Variants in SNX8 observed in about 807,000 individuals in gnomAD.
The protein encoded by SNX8 is sorting nexin 8, also known as sorting nexin-8.
In SNX8, 25 loss-of-function variants were observed where a neutral mutation model predicts 51.6. That is an observed-to-expected ratio of 0.48 (90% CI 0.35 to 0.68). SNX8 has a LOEUF of 0.68. Ranked by LOEUF, SNX8 falls within the 30% of genes least tolerant of loss-of-function variation. The pLI, the probability that SNX8 is intolerant of heterozygous loss-of-function variation, is 0.00. For synonymous variants in SNX8, 324 were observed against 277.0 expected (o/e 1.17, Z -1.68); for missense variants, 695 against 624.0 (o/e 1.11, Z -1.21).
chr7:2,342,139 A>C (rs2115246102), intron 1 of SNX8, among the ~76,000 whole-genome samples: 2 of 151,898 alleles, frequency 1.3e-5, no homozygotes, highest in African/African-American at 4.8e-5. Flanking sequence ...AGATCTCACC[A>C]CTGCACTCCA....
At chr7:2,300,050 G>C (rs542921676) in intron 1 of SNX8, among the ~76,000 whole-genome samples, 10 of 152,298 alleles carry the variant, frequency 6.6e-5, no homozygotes, top group African/African-American at 2.4e-4. Context: ...CGCCTCAGAA[G>C]TCAGCAAGAA....
At position 2,319,632 on chromosome 7, in the gene SNX8, G is replaced by A. The variant is rs368894547; in HGVS notation, c.-66+34590C>T. ...AGATCGAGACCATCCTGGCTAACAC[G>A]GTGAAACCCCGTCTCTACTAAAAAT... On this transcript the variant is annotated intron_variant, in intron 1 of 5. Coordinates refer to the SNX8 transcript ENST00000435336. 5.3e-5 allele frequency among the ~76,000 whole-genome samples: 8 copies of A among 152,244 alleles called. No homozygotes were observed. The East Asian group carries it at 7.7e-4, about 15-fold the overall frequency.
chr7:2,309,891 C>T (rs772560340), intron 1 of SNX8: 16 of 470,744 alleles, frequency 3.4e-5, no homozygotes, highest in Non-Finnish European at 5.7e-5. Flanking sequence ...AGGCTCGGGG[C>T]AGGGGTGAAG....
chr7:2,322,270 C>T (rs79131835), intron 1 of SNX8, among the ~76,000 whole-genome samples: 146 of 152,288 alleles, frequency 9.6e-4, no homozygotes, highest in Admixed American at 4.0e-3. Context: ...TGGTGGCTCA[C>T]GCCTATAATT....
At chr7:2,271,617 C>T (rs1011711051) in intron 4 of SNX8, among the ~76,000 whole-genome samples, 1 of 152,298 alleles carries the variant, frequency 6.6e-6, no homozygotes, top group African/African-American at 2.4e-5. Context: ...CACAGAGATC[C>T]ATGATCTCCA....
In SNX8 at chr7:2,256,981, A is replaced by C; in HGVS notation, c.1177T>G (p.Ser393Ala). The change falls in exon 10 of 11, where the codon TCC (serine) becomes GCC (alanine). Residue 393 changes from serine (S) to alanine (A), a missense_variant. Coordinates refer to ENST00000222990, the MANE Select transcript of SNX8 (RefSeq NM_013321.4). ...IQTMELRNYF[S>A]LYCLHQETQL... ...GTCTCCTGGTGCAGGCAGTACAGGG[A>C]GAAGTAGTTCCGCAGCTCCATCGTC... is the stretch of plus-strand genomic sequence containing the variant. The C allele has an allele frequency of 6.2e-7, 1 of 1,612,970 alleles. No individual in the cohort carries two copies. Among genetic ancestry groups the C allele is most frequent in the Non-Finnish European group, 8.5e-7 (1 of 1,179,464 alleles).
chr7:2,304,833 C>T (rs1796511157), intron 1 of SNX8, among the ~76,000 whole-genome samples: 3 of 152,134 alleles, frequency 2.0e-5, no homozygotes, highest in African/African-American at 7.2e-5. Flanking sequence ...AAAACACGGG[C>T]ACTAAGTGGC....
chr7:2,293,103 C>A (rs1272320805), intron 1 of SNX8, among the ~76,000 whole-genome samples: 2 of 150,964 alleles, frequency 1.3e-5, no homozygotes, highest in African/African-American at 4.9e-5. Flanking sequence ...AATGACACCA[C>A]CAAGAAAGTG....
At chr7:2,262,304 C>T (rs1037117772) in intron 7 of SNX8, among the ~76,000 whole-genome samples, 2 of 152,150 alleles carry the variant, frequency 1.3e-5, no homozygotes, top group African/African-American at 2.4e-5. Context: ...CCTCCCAAAG[C>T]GCTGGGATGA....
At chr7:2,289,826 G>C (rs1468557332) in intron 1 of SNX8, among the ~76,000 whole-genome samples, 1 of 152,202 alleles carries the variant, frequency 6.6e-6, no homozygotes, top group Non-Finnish European at 1.5e-5. Context: ...GGGAGGGTGA[G>C]GCGGAGGCTA....
At position 2,257,417 on chromosome 7, in the gene SNX8, G is replaced by A. The variant is rs1192804716; in HGVS notation, c.1082C>T (p.Ala361Val). 11 of 1,610,660 alleles carry A rather than the reference G, an allele frequency of 6.8e-6. No individual in the cohort carries two copies. The highest frequency in any genetic ancestry group is 8.5e-6 in the Non-Finnish European group (10 of 1,179,522). The change falls in exon 9 of 11, where the codon GCG (alanine) becomes GTG (valine). Residue 361 changes from alanine to valine, a missense_variant. Transcript: ENST00000222990. The stretch of plus-strand genomic sequence containing the variant: ...CACGGACTCCGGCTCGCGGTTCTGC[G>A]CGGTGGCGCTCATCATCTGCCTCTT... ...LMKRQMMSAT[A>V]QNREPESVEQ...
At chr7:2,280,101 T>G (rs759959592) in intron 1 of SNX8, among the ~76,000 whole-genome samples, 21 of 152,178 alleles carry the variant, frequency 1.4e-4, no homozygotes, top group Non-Finnish European at 2.5e-4. Context: ...GGCCTGCTTA[T>G]AGCTAGGACT....
intron 1 of SNX8, among the ~76,000 whole-genome samples, chr7:2,352,173 A>C (rs1235692177): frequency 2.0e-5 from 3 of 151,986 alleles, no homozygotes; most frequent in South Asian, 2.1e-4. Flanking sequence ...TGGCCTCCCA[A>C]AGTGCTGGGA....
chr7:2,268,054 G>A (rs79698034), intron 5 of SNX8, among the ~76,000 whole-genome samples: 2,807 of 140,042 alleles, frequency 0.02, 22 homozygotes, highest in South Asian at 0.038. Flanking sequence ...CACCCCGTCC[G>A]GGAGGGAGAT....
intron 1 of SNX8, among the ~76,000 whole-genome samples, chr7:2,348,232 T>C (rs1323435853): frequency 6.6e-6 from 1 of 151,936 alleles, no homozygotes; most frequent in Non-Finnish European, 1.5e-5. Context: ...TCCTGACACC[T>C]AAATGGGTCC....
chr7:2,256,942 C>T lies in SNX8; in HGVS notation c.1216G>A (p.Val406Ile), dbSNP rs1031713363. ...CLHQETQLIH[V>I]YLPLTSHILR... ...ATGTGGGAGGTGAGGGGCAGGTAGA[C>T]GTGGATGAGCTGCGTCTCCTGGTGC... Residue 406 changes from valine (V) to isoleucine (I), a missense_variant, in exon 10 of 11, where the codon GTC becomes ATC. Transcript: ENST00000222990. The T allele has an allele frequency of 6.8e-6, 11 of 1,613,660 alleles. 1 individual carries two copies. Among genetic ancestry groups the T allele is most frequent in the South Asian group, 5.5e-5 (5 of 91,044 alleles).
At chr7:2,333,872 C>G (rs561316855) in intron 1 of SNX8, among the ~76,000 whole-genome samples, 23 of 152,272 alleles carry the variant, frequency 1.5e-4, no homozygotes, top group African/African-American at 5.1e-4. Flanking sequence ...ATTACAGGCT[C>G]ATGCCCGTAA....
At chr7:2,255,203 G>A (rs1314250990) in intron 10 of SNX8, 34 bp from the exon 11 acceptor site, 2 of 1,357,426 alleles carry the variant, frequency 1.5e-6, no homozygotes, top group East Asian at 5.1e-5. Flanking sequence ...AGATCAGCAG[G>A]CGGGGCCGGG....
At chr7:2,354,382 A>G (rs1779264755), upstream of SNX8, 2 of 152,250 alleles carry the variant, frequency 1.3e-5, no homozygotes, top group Non-Finnish European at 1.5e-5. Context: ...AACGTAAACT[A>G]AACGGTTTCC....
Sources: allele counts gnomAD v4.1 joint callset (sites outside exome capture counted in the v4.1 genomes callset), GRCh38; gene constraint gnomAD v4.1.1; transcripts MANE v1.5; gene names NCBI Gene and HGNC (gene_info 2026-07-23, HGNC 2026-07-21).